Variants in LRRC8B observed in about 807,000 individuals in gnomAD.
LRRC8B encodes the protein volume-regulated anion channel subunit LRRC8B.
A neutral mutation model predicts 58.8 loss-of-function variants in LRRC8B; 23 were observed. The ratio of observed to expected loss-of-function variants is 0.39; its 90% CI spans 0.28 to 0.55. The LOEUF (loss-of-function observed/expected upper bound fraction) is 0.55, where lower values mean the gene tolerates loss of function less well. Ranked by LOEUF, LRRC8B falls within the 20% of genes least tolerant of loss-of-function variation. The probability of loss-of-function intolerance (pLI) is 0.62; values close to 1 mark genes in which losing one functional copy is unlikely to be tolerated. For missense variants in LRRC8B, 694 were observed against 936.0 expected (o/e 0.74, Z 3.37); for synonymous variants, 359 against 374.1 (o/e 0.96, Z 0.47).
At chr1:89,575,885 T>TA (rs1653809658) in intron 3 of LRRC8B, among the ~76,000 whole-genome samples, 2 of 152,224 alleles carry the variant, frequency 1.3e-5, no homozygotes, top group Non-Finnish European at 2.9e-5. Flanking sequence ...TTTGCTTTCT[T>TA]TTTAAACATA....
intron 3 of LRRC8B, among the ~76,000 whole-genome samples, chr1:89,575,979 A>G (rs1343930036): frequency 3.3e-5 from 5 of 152,248 alleles, no homozygotes; most frequent in African/African-American, 1.2e-4. Context: ...TGACAAAGAC[A>G]TGTTTTAAAG....
At position 89,596,806 on chromosome 1, in the gene LRRC8B, T is replaced by C. The variant is rs1655328710; in HGVS notation, c.*3763T>C. The C allele has an allele frequency of 6.6e-6, 1 of 152,198 alleles. No homozygotes were observed. The highest frequency in any genetic ancestry group is 1.5e-5 in the Non-Finnish European group (1 of 68,012). The allele number at this position is 152,198 out of a possible 1,614,324, so 9.4% of individuals were successfully genotyped here. The stretch of plus-strand genomic sequence containing the variant: ...TTATTTAGGAGGAAGCCAGTGCCTG[T>C]AATTATGTCTCATTGAGTAGTTTTA... On this transcript the variant is annotated 3_prime_UTR_variant, in exon 6 of 6. Transcript: ENST00000330947.
At chr1:89,531,298 C>T (rs1264333199) in intron 1 of LRRC8B, among the ~76,000 whole-genome samples, 1 of 152,042 alleles carries the variant, frequency 6.6e-6, no homozygotes, top group Non-Finnish European at 1.5e-5. Flanking sequence ...AATAGCTTCA[C>T]AGGAAAAAAA....
intron 1 of LRRC8B, among the ~76,000 whole-genome samples, chr1:89,544,044 C>T (rs1651221784): frequency 6.6e-6 from 1 of 152,212 alleles, no homozygotes; most frequent in Non-Finnish European, 1.5e-5. Flanking sequence ...GATTCTCCCT[C>T]CTTGGCCTCC....
At chr1:89,582,594 C>A in intron 4 of LRRC8B, 31 bp from the exon 5 acceptor site, 1 of 1,257,706 alleles carries the variant, frequency 8.0e-7, no homozygotes, top group Non-Finnish European at 1.1e-6. Flanking sequence ...GTACTTGCTT[C>A]AGTAGTGTTT....
chr1:89,590,703 C>T (rs571495947), intron 5 of LRRC8B, among the ~76,000 whole-genome samples: 1 of 152,336 alleles, frequency 6.6e-6, no homozygotes, highest in Admixed American at 6.5e-5. Context: ...AGTAGGAAAT[C>T]AGTCCAGTTA....
At chr1:89,575,901 AACT>A (rs1653812519) in intron 3 of LRRC8B, among the ~76,000 whole-genome samples, 2 of 152,134 alleles carry the variant, frequency 1.3e-5, no homozygotes, top group Non-Finnish European at 2.9e-5. Flanking sequence ...ACATATTGTA[AACT>A]TTAGCCTTAT....
chr1:89,594,976 T>C lies in LRRC8B; in HGVS notation c.*1933T>C, dbSNP rs1213151543. On this transcript the variant is annotated 3_prime_UTR_variant, in exon 6 of 6. Transcript: ENST00000330947. ...AAGATGAAAGTGAGTCTTTAAAGCA[T>C]AGCAAATAGAGCTTCCCCTCACCTG... 6.6e-6 allele frequency: 1 copy of C among 152,174 alleles called. No homozygotes were observed. Among genetic ancestry groups the C allele is most frequent in the Non-Finnish European group, 1.5e-5 (1 of 67,994 alleles). The allele number at this position is 152,174 out of a possible 1,614,324, so 9.4% of individuals were successfully genotyped here. A position where few individuals can be genotyped will look rare whatever the true frequency, so the allele number is the denominator to read the frequency against.
At chr1:89,566,747 A>T (rs1047720688) in intron 1 of LRRC8B, among the ~76,000 whole-genome samples, 1 of 152,244 alleles carries the variant, frequency 6.6e-6, no homozygotes, top group Non-Finnish European at 1.5e-5. Flanking sequence ...GAACATCAAG[A>T]GTAAGATCCT....
intron 1 of LRRC8B, among the ~76,000 whole-genome samples, chr1:89,540,457 CTGA>C (rs1650874238): frequency 6.6e-6 from 1 of 152,192 alleles, no homozygotes; most frequent in South Asian, 2.1e-4. Flanking sequence ...GAAAATATGT[CTGA>C]ATCAACCCCA....
At chr1:89,562,473 C>CA (rs1553157072) in intron 1 of LRRC8B, among the ~76,000 whole-genome samples, 2 of 149,012 alleles carry the variant, frequency 1.3e-5, no homozygotes, top group Non-Finnish European at 3.0e-5. Flanking sequence ...GCTATTTATC[C>CA]TTTTTTTTTT....
intron 3 of LRRC8B, among the ~76,000 whole-genome samples, chr1:89,578,516 C>A (rs1156893865): frequency 6.6e-6 from 1 of 152,152 alleles, no homozygotes; most frequent in African/African-American, 2.4e-5. Context: ...TTCTAACCTG[C>A]AAAACAATTT....
chr1:89,539,945 A>G (rs1339910691), intron 1 of LRRC8B, among the ~76,000 whole-genome samples: 1 of 152,170 alleles, frequency 6.6e-6, no homozygotes. Context: ...TAGAATTATA[A>G]TTAAATATTC....
chr1:89,549,179 G>C (rs917034729), intron 1 of LRRC8B, among the ~76,000 whole-genome samples: 1 of 152,118 alleles, frequency 6.6e-6, no homozygotes, highest in African/African-American at 2.4e-5. Context: ...TACATTAAAC[G>C]GAGACAGATA....
At chr1:89,529,862 T>C (rs1441583237) in intron 1 of LRRC8B, among the ~76,000 whole-genome samples, 1 of 151,122 alleles carries the variant, frequency 6.6e-6, no homozygotes, top group African/African-American at 2.4e-5. Context: ...TATTTCACAG[T>C]ATTTTTTTTT....
At chr1:89,555,045 C>T (rs1434789085) in intron 1 of LRRC8B, among the ~76,000 whole-genome samples, 1 of 152,136 alleles carries the variant, frequency 6.6e-6, no homozygotes. Context: ...ACCATTGAAA[C>T]TCTGTTTCCA....
intron 4 of LRRC8B, among the ~76,000 whole-genome samples, chr1:89,581,896 A>G (rs1654251706): frequency 6.6e-6 from 1 of 152,250 alleles, no homozygotes; most frequent in African/African-American, 2.4e-5. Context: ...AAAGGAGATA[A>G]TGCATTCAGT....
intron 5 of LRRC8B, among the ~76,000 whole-genome samples, chr1:89,590,109 C>T (rs1026049746): frequency 6.6e-6 from 1 of 152,042 alleles, no homozygotes; most frequent in African/African-American, 2.4e-5. Context: ...TAAGCTTTCC[C>T]ATTGGTTTTT....
At chr1:89,591,756 A>T (rs1473536542) in intron 5 of LRRC8B, among the ~76,000 whole-genome samples, 1 of 152,222 alleles carries the variant, frequency 6.6e-6, no homozygotes, top group African/African-American at 2.4e-5. Context: ...GTCAGAGGAT[A>T]TAGGCCAAGT....
Sources: gnomAD v4.1 joint callset for allele counts (sites outside exome capture counted in the v4.1 genomes callset) on GRCh38, gnomAD v4.1.1 for gene constraint, MANE v1.5 for transcripts, NCBI Gene and HGNC (gene_info 2026-07-23, HGNC 2026-07-21) for gene names.